Variants in KCNB2 observed in about 807,000 individuals in gnomAD.
KCNB2 encodes the protein delayed rectifier potassium channel protein.
KCNB2 carries 15 observed loss-of-function variants against 61.5 expected under a neutral mutation model. The ratio of observed to expected loss-of-function variants is 0.24; its 90% CI spans 0.16 to 0.38. KCNB2 has a LOEUF of 0.38. Among genes scored for constraint, KCNB2 ranks in the 10% least tolerant of loss-of-function variants. The pLI, the probability that KCNB2 is intolerant of heterozygous loss-of-function variation, is 1.00. For missense variants in KCNB2, 828 were observed against 1,125.2 expected (o/e 0.74, Z 3.78); for synonymous variants, 457 against 446.0 (o/e 1.02, Z -0.31).
intron 2 of KCNB2, among the ~76,000 whole-genome samples, chr8:72,810,775 T>G (rs1273248518): frequency 1.3e-5 from 2 of 152,166 alleles, no homozygotes; most frequent in Non-Finnish European, 2.9e-5. Flanking sequence ...AAAGTTTTAG[T>G]GTTTGGCATC....
chr8:72,857,428 GAGA>G (rs1810223587), intron 2 of KCNB2, among the ~76,000 whole-genome samples: 1 of 152,186 alleles, frequency 6.6e-6, no homozygotes. Flanking sequence ...TTCTAGGAGT[GAGA>G]AGAAGCTCAT....
intron 2 of KCNB2, among the ~76,000 whole-genome samples, chr8:72,810,493 A>T (rs1173730508): frequency 6.6e-6 from 1 of 152,226 alleles, no homozygotes; most frequent in Non-Finnish European, 1.5e-5. Flanking sequence ...TCTGATGGGC[A>T]TATGAATTTC....
intron 2 of KCNB2, among the ~76,000 whole-genome samples, chr8:72,596,720 T>C (rs896637844): frequency 6.6e-6 from 1 of 152,218 alleles, no homozygotes; most frequent in Admixed American, 6.5e-5. Context: ...ATTCAAGATA[T>C]AGCCATATTA....
chr8:72,722,660 T>C (rs949954724), intron 2 of KCNB2, among the ~76,000 whole-genome samples: 2 of 152,190 alleles, frequency 1.3e-5, no homozygotes, highest in African/African-American at 4.8e-5. Context: ...GCTGATTAAA[T>C]AAATGGACAA....
Position 72,866,998 on chromosome 8 carries a change from G to A in KCNB2, c.580-68937G>A, listed in dbSNP as rs1395447692. ...TGTCCCAAAGGACTTGCCCCCTTGAGGACAGGGACTATGTCTTTCAGCTCT... is the reference window on the plus strand; with the variant it reads ...TGTCCCAAAGGACTTGCCCCCTTGAAGACAGGGACTATGTCTTTCAGCTCT... On this transcript the variant is annotated intron_variant, in intron 2 of 2. Transcript: ENST00000523207. 3.3e-5 allele frequency among the ~76,000 whole-genome samples: 5 copies of A among 152,110 alleles called. No homozygotes were observed. In the South Asian group the frequency reaches 8.3e-4, roughly 25 times the overall value.
chr8:72,866,743 A>G (rs890136577), intron 2 of KCNB2, among the ~76,000 whole-genome samples: 1 of 152,134 alleles, frequency 6.6e-6, no homozygotes, highest in South Asian at 2.1e-4. Flanking sequence ...TCATTTTACT[A>G]TTTTTTAAAA....
intron 2 of KCNB2, among the ~76,000 whole-genome samples, chr8:72,924,659 C>G (rs1806599541): frequency 6.6e-6 from 1 of 152,172 alleles, no homozygotes; most frequent in South Asian, 2.1e-4. Context: ...AAAAGGGCCT[C>G]TCTGCCCAAT....
At chr8:72,634,462 A>G (rs1805934253) in intron 2 of KCNB2, among the ~76,000 whole-genome samples, 1 of 152,228 alleles carries the variant, frequency 6.6e-6, no homozygotes, top group African/African-American at 2.4e-5. Flanking sequence ...TGTGGGCCAC[A>G]CTTTGAGTGG....
intron 2 of KCNB2, among the ~76,000 whole-genome samples, chr8:72,690,357 C>T (rs1056657332): frequency 6.6e-6 from 1 of 152,194 alleles, no homozygotes; most frequent in African/African-American, 2.4e-5. Context: ...AAGCAAATTG[C>T]TGTCATTACC....
chr8:72,616,117 C>T (rs1195647007), intron 2 of KCNB2, among the ~76,000 whole-genome samples: 1 of 152,174 alleles, frequency 6.6e-6, no homozygotes, highest in African/African-American at 2.4e-5. Flanking sequence ...AATCATGTCA[C>T]CTTTTCTCGC....
chr8:72,614,721 C>G (rs551550536), intron 2 of KCNB2, among the ~76,000 whole-genome samples: 17 of 152,250 alleles, frequency 1.1e-4, no homozygotes, highest in African/African-American at 3.9e-4. Flanking sequence ...GTCTTTGTCT[C>G]CCTTCCGTTG....
rs892580760 is a variant in KCNB2, at chr8:72,657,447, A to G, written c.579+89134A>G. On this transcript the variant is annotated intron_variant, in intron 2 of 2. Transcript: ENST00000523207. ...ATACTTTGAGTTTCTAATATCTCCA[A>G]TTTCAAGATTACTCTTGTAAAACTC... Among the ~76,000 whole-genome samples, 8 of 152,288 alleles carry G rather than the reference A, an allele frequency of 5.3e-5. No homozygotes were observed. In the East Asian group the frequency reaches 9.6e-4, roughly 18 times the overall value.
intron 2 of KCNB2, among the ~76,000 whole-genome samples, chr8:72,831,236 C>A (rs1809688960): frequency 6.6e-6 from 1 of 152,202 alleles, no homozygotes; most frequent in Non-Finnish European, 1.5e-5. Context: ...CCATTACATT[C>A]ATTTACCTCA....
intron 2 of KCNB2, among the ~76,000 whole-genome samples, chr8:72,772,711 G>C (rs949582730): frequency 3.9e-5 from 6 of 152,180 alleles, no homozygotes; most frequent in African/African-American, 1.4e-4. Context: ...CCCTGAAACA[G>C]TTATATACCT....
intron 2 of KCNB2, among the ~76,000 whole-genome samples, chr8:72,863,224 G>C (rs1411914579): frequency 2.0e-5 from 3 of 152,128 alleles, no homozygotes; most frequent in Admixed American, 6.5e-5. Flanking sequence ...CACTCCTACA[G>C]GGCTTGTCAG....
intron 2 of KCNB2, among the ~76,000 whole-genome samples, chr8:72,627,338 C>A (rs752201889): frequency 4.5e-4 from 68 of 152,114 alleles, no homozygotes; most frequent in Non-Finnish European, 9.1e-4. Flanking sequence ...ATTAAGAACA[C>A]TTTCTGGAGG....
intron 2 of KCNB2, among the ~76,000 whole-genome samples, chr8:72,677,166 A>G (rs1306253680): frequency 6.6e-6 from 1 of 152,190 alleles, no homozygotes. Context: ...CCAGGCAACT[A>G]CAGGAAGCTA....
At chr8:72,703,699 A>C (rs1405910617) in intron 2 of KCNB2, among the ~76,000 whole-genome samples, 1 of 152,176 alleles carries the variant, frequency 6.6e-6, no homozygotes. Context: ...AGTGTCTACT[A>C]TAAAGAATAG....
chr8:72,869,702 A>G (rs1168071296), intron 2 of KCNB2, among the ~76,000 whole-genome samples: 1 of 152,192 alleles, frequency 6.6e-6, no homozygotes, highest in African/African-American at 2.4e-5. Flanking sequence ...AAGTGTTGGC[A>G]AGGATGTGGA....
Sources: allele counts gnomAD v4.1 joint callset (sites outside exome capture counted in the v4.1 genomes callset), GRCh38; gene constraint gnomAD v4.1.1; transcripts MANE v1.5; gene names NCBI Gene and HGNC (gene_info 2026-07-23, HGNC 2026-07-21).